The following ZFPM2 variants were observed in gnomAD, a reference collection of about 807,000 sequenced individuals.
The protein encoded by ZFPM2 is zinc finger protein ZFPM2.
In ZFPM2, 20 loss-of-function variants were observed where a neutral mutation model predicts 98.6. The ratio of observed to expected loss-of-function variants is 0.20; its 90% CI spans 0.14 to 0.29. The LOEUF is 0.29. Ranked by LOEUF, ZFPM2 falls within the 10% of genes least tolerant of loss-of-function variation. ZFPM2 has a pLI of 1.00. For missense variants in ZFPM2, 1,310 were observed against 1,388.6 expected (o/e 0.94, Z 0.90); for synonymous variants, 518 against 502.7 (o/e 1.03, Z -0.41).
At chr8:105,623,929 A>C (rs1433458953) in intron 4 of ZFPM2, among the ~76,000 whole-genome samples, 2 of 152,202 alleles carry the variant, frequency 1.3e-5, no homozygotes, top group African/African-American at 4.8e-5. Context: ...GCCAATGCAA[A>C]TAGTAAAGCT....
At chr8:105,590,588 G>A (rs373743235) in intron 4 of ZFPM2, among the ~76,000 whole-genome samples, 20 of 152,318 alleles carry the variant, frequency 1.3e-4, no homozygotes, top group South Asian at 4.1e-4. Context: ...TATTTAATTC[G>A]AAGAAGAGAA....
chr8:105,465,447 G>A (rs1254858314), intron 3 of ZFPM2, among the ~76,000 whole-genome samples: 1 of 151,690 alleles, frequency 6.6e-6, no homozygotes, highest in African/African-American at 2.4e-5. Flanking sequence ...GTTTATACAA[G>A]CATCTTTTAT....
At chr8:105,783,350 G>A (rs1265613260) in intron 5 of ZFPM2, among the ~76,000 whole-genome samples, 2 of 143,624 alleles carry the variant, frequency 1.4e-5, no homozygotes, top group Non-Finnish European at 1.5e-5. Context: ...GTTTTGTAGT[G>A]AAAAAAAAAA....
chr8:105,390,576 G>A (rs752281106), intron 1 of ZFPM2, among the ~76,000 whole-genome samples: 11 of 152,094 alleles, frequency 7.2e-5, no homozygotes, highest in Admixed American at 7.2e-4. Context: ...GATTGAACTC[G>A]ATCTCCACTC....
chr8:105,567,744 C>T (rs1333850985), intron 4 of ZFPM2, among the ~76,000 whole-genome samples: 1 of 152,082 alleles, frequency 6.6e-6, no homozygotes, highest in Non-Finnish European at 1.5e-5. Flanking sequence ...TGGACCTCTA[C>T]TACTGGTACA....
intron 4 of ZFPM2, among the ~76,000 whole-genome samples, chr8:105,566,433 G>A (rs1417279509): frequency 1.3e-5 from 2 of 152,092 alleles, no homozygotes; most frequent in African/African-American, 4.8e-5. Context: ...TGATGAGGAA[G>A]AAATTTTAAA....
At chr8:105,550,657 A>C (rs1339577278) in intron 3 of ZFPM2, among the ~76,000 whole-genome samples, 7 of 152,184 alleles carry the variant, frequency 4.6e-5, no homozygotes, top group Non-Finnish European at 1.0e-4. Flanking sequence ...AAAAAATCAC[A>C]TACTTTGGGA....
intron 1 of ZFPM2, among the ~76,000 whole-genome samples, chr8:105,406,478 G>T (rs1046321888): frequency 3.9e-5 from 6 of 152,012 alleles, no homozygotes; most frequent in Non-Finnish European, 7.4e-5. Flanking sequence ...AGACCTACAT[G>T]TTAGACCTAA....
intron 5 of ZFPM2, among the ~76,000 whole-genome samples, chr8:105,688,564 T>A (rs1370104349): frequency 6.6e-6 from 1 of 152,104 alleles, no homozygotes; most frequent in Non-Finnish European, 1.5e-5. Context: ...GAGCAAGACA[T>A]TTAACTTTTC....
At position 105,513,715 on chromosome 8, in the gene ZFPM2, A is replaced by G. The variant is rs1813860848; in HGVS notation, c.302-47648A>G. 2.0e-5 allele frequency among the ~76,000 whole-genome samples: 3 copies of G among 152,230 alleles called. No homozygotes were observed. In the South Asian group the frequency reaches 6.2e-4, roughly 32 times the overall value. On this transcript the variant is annotated intron_variant, in intron 3 of 7. Coordinates refer to ENST00000407775, the MANE Select transcript of ZFPM2 (RefSeq NM_012082.4). ...TATGAAATTGTCTTTTTGAAAAGTTATATTTTTAATTATAAAGGAGGAGAT... is the reference window on the plus strand; with the variant it reads ...TATGAAATTGTCTTTTTGAAAAGTTGTATTTTTAATTATAAAGGAGGAGAT...
At chr8:105,576,581 T>C (rs920486130) in intron 4 of ZFPM2, among the ~76,000 whole-genome samples, 1 of 152,148 alleles carries the variant, frequency 6.6e-6, no homozygotes, top group African/African-American at 2.4e-5. Context: ...CAAAGAAAGA[T>C]AGAAGAAAAG....
At chr8:105,646,465 C>T (rs958978184) in intron 5 of ZFPM2, among the ~76,000 whole-genome samples, 2 of 152,126 alleles carry the variant, frequency 1.3e-5, no homozygotes, top group African/African-American at 4.8e-5. Context: ...CTGTCATACT[C>T]AGGAACTCAG....
intron 4 of ZFPM2, among the ~76,000 whole-genome samples, chr8:105,600,428 A>G (rs1201419339): frequency 6.6e-6 from 1 of 152,118 alleles, no homozygotes; most frequent in Non-Finnish European, 1.5e-5. Context: ...TCATTGAAAC[A>G]TTGAAGTCCT....
At chr8:105,650,309 G>C (rs1423955496) in intron 5 of ZFPM2, among the ~76,000 whole-genome samples, 1 of 151,806 alleles carries the variant, frequency 6.6e-6, no homozygotes. Flanking sequence ...CAATTTTGTT[G>C]ATCTTCTCAA....
At chr8:105,732,378 G>A (rs1236051278) in intron 5 of ZFPM2, among the ~76,000 whole-genome samples, 8 of 151,812 alleles carry the variant, frequency 5.3e-5, no homozygotes, top group Admixed American at 1.3e-4. Flanking sequence ...AGAGATGCAG[G>A]TGTGACATTT....
intron 5 of ZFPM2, among the ~76,000 whole-genome samples, chr8:105,649,422 T>G (rs1207292980): frequency 6.6e-6 from 1 of 152,188 alleles, no homozygotes; most frequent in Admixed American, 6.5e-5. Context: ...CTATGTTGAA[T>G]AGCAGTGGTG....
chr8:105,716,489 A>G (rs1811527538), intron 5 of ZFPM2, among the ~76,000 whole-genome samples: 1 of 152,014 alleles, frequency 6.6e-6, no homozygotes. Context: ...GTGTGTATAT[A>G]TGATTCACAC....
At chr8:105,496,554 TA>T (rs1292079054) in intron 3 of ZFPM2, among the ~76,000 whole-genome samples, 2 of 152,278 alleles carry the variant, frequency 1.3e-5, no homozygotes, top group East Asian at 3.9e-4. Context: ...ACAATGTTCA[TA>T]GATCTTATTC....
At chr8:105,685,428 A>G (rs1810709219) in intron 5 of ZFPM2, among the ~76,000 whole-genome samples, 1 of 152,074 alleles carries the variant, frequency 6.6e-6, no homozygotes, top group Non-Finnish European at 1.5e-5. Flanking sequence ...AAAATTTTTA[A>G]TGTCCTCGTT....
Sources: allele counts gnomAD v4.1 joint callset (sites outside exome capture counted in the v4.1 genomes callset), GRCh38; gene constraint gnomAD v4.1.1; transcripts MANE v1.5; gene names NCBI Gene and HGNC (gene_info 2026-07-23, HGNC 2026-07-21).